THADA: variants seen among roughly 807,000 people sequenced by gnomAD.
The protein encoded by THADA is THADA armadillo repeat containing.
In THADA, 213 loss-of-function variants were observed where a neutral mutation model predicts 219.8. The observed-to-expected ratio is 0.97, with a 90% CI of 0.87 to 1.09. The LOEUF (loss-of-function observed/expected upper bound fraction) is 1.09, where lower values mean the gene tolerates loss of function less well. Among genes scored for constraint, THADA ranks in the 50% least tolerant of loss-of-function variants. The pLI is 0.00. For missense variants in THADA, 2,956 were observed against 2,311.3 expected, an observed-to-expected ratio of 1.28 and a Z score of -5.72; for synonymous variants, 1,018 against 828.9, an observed-to-expected ratio of 1.23 and a Z score of -3.92.
At chr2:43,324,762 G>A (rs186756933) in intron 30 of THADA, among the ~76,000 whole-genome samples, 291 of 152,246 alleles carry the variant, frequency 1.9e-3, no homozygotes, top group Non-Finnish European at 3.3e-3. Context: ...AAATCCCGAA[G>A]AGCAGCACGC....
Position 43,508,693 on chromosome 2 carries a change from T to C in THADA, c.3462A>G (p.Lys1154=), listed in dbSNP as rs774461534. Residue 1154 remains lysine (K), a synonymous_variant, in exon 23 of 38, where the codon AAA becomes AAG. Coordinates refer to ENST00000405975, the MANE Select transcript of THADA (RefSeq NM_022065.5). ...CAGCACTGCGCCTTGTAGCACAGAG[T>C]TTAGATGAAGGATCACTGCATTTAA... The part of the protein sequence containing the change: ...EEIKCSDPSS[K]LCATRRSAGI... 5 of 1,613,320 alleles carry C rather than the reference T, an allele frequency of 3.1e-6. No individual in the cohort carries two copies. The highest frequency in any genetic ancestry group is 1.6e-4 in the Middle Eastern group (1 of 6,062).
chr2:43,308,189 A>C (rs1677077114), intron 31 of THADA, among the ~76,000 whole-genome samples: 1 of 152,058 alleles, frequency 6.6e-6, no homozygotes, highest in Non-Finnish European at 1.5e-5. Flanking sequence ...ACCCTGTATC[A>C]TTCTTTTTAA....
rs535446103 is a variant in THADA, at chr2:43,428,332, G to T, written c.3927-101C>A. 3 of 1,190,414 alleles carry T rather than the reference G, an allele frequency of 2.5e-6. No individual in the cohort carries two copies. In the South Asian group the frequency reaches 4.3e-5, roughly 17 times the overall value. The allele number at this position is 1,190,414 out of a possible 1,614,324, so 73.7% of individuals were successfully genotyped here. On this transcript the variant is annotated intron_variant, in intron 27 of 37. Transcript: ENST00000405975. ...ATGAAATAATTATGTATATGGCCGGGTGCGGTGACTAATGCCTGTAATCCC... is the reference window on the plus strand; with the variant it reads ...ATGAAATAATTATGTATATGGCCGGTTGCGGTGACTAATGCCTGTAATCCC...
intron 26 of THADA, among the ~76,000 whole-genome samples, chr2:43,435,646 G>C (rs939830443): frequency 6.6e-6 from 1 of 151,880 alleles, no homozygotes; most frequent in Admixed American, 6.6e-5. Flanking sequence ...AGCCAGTTGA[G>C]GTAGCATCTG....
At chr2:43,509,372 A>G (rs1342794480) in intron 22 of THADA, among the ~76,000 whole-genome samples, 2 of 152,230 alleles carry the variant, frequency 1.3e-5, no homozygotes, top group African/African-American at 2.4e-5. Context: ...GCGCTATCTT[A>G]GAGTGCTCAA....
At chr2:43,422,032 G>A (rs1049789568) in intron 28 of THADA, among the ~76,000 whole-genome samples, 1 of 152,192 alleles carries the variant, frequency 6.6e-6, no homozygotes, top group African/African-American at 2.4e-5. Context: ...AATAAGGCAT[G>A]CCAAACAGAT....
intron 31 of THADA, among the ~76,000 whole-genome samples, chr2:43,306,794 G>C (rs1304285421): frequency 6.6e-6 from 1 of 152,176 alleles, no homozygotes; most frequent in African/African-American, 2.4e-5. Flanking sequence ...GTAATCAATG[G>C]AAATGAGCCT....
rs751759651 is a variant in THADA, at chr2:43,552,362, C to G, written c.2675-23G>C. Reference sequence around the variant, plus strand: ...TAACTAGAAAAAGCAAACAGAAAATCAAAGTAATGTCAATCTTAAAACATT... The same window carrying G: ...TAACTAGAAAAAGCAAACAGAAAATGAAAGTAATGTCAATCTTAAAACATT... On this transcript the variant is annotated intron_variant, in intron 17 of 37. Coordinates refer to ENST00000405975, the MANE Select transcript of THADA (RefSeq NM_022065.5). 5 of 1,578,664 alleles carry G rather than the reference C, an allele frequency of 3.2e-6. No individual in the cohort carries two copies. The South Asian group carries it at 4.7e-5, about 15-fold the overall frequency.
Position 43,293,229 on chromosome 2 carries a change from A to G in THADA, c.4439-16T>C, listed in dbSNP as rs10184224. The G allele has an allele frequency of 1.2e-3, 1,831 of 1,586,522 alleles. 25 individuals are homozygous for G. In the African/African-American group the frequency reaches 0.022, roughly 19 times the overall value. ...CTCTCCAGAACTAAGAAGCAAAAAA[A>G]GCAAAAGGGAAAGAGATAATCACTT... On this transcript the variant is annotated splice_polypyrimidine_tract_variant and intron_variant, in intron 31 of 37. Coordinates refer to ENST00000405975, the MANE Select transcript of THADA (RefSeq NM_022065.5).
At chr2:43,595,406 A>G (rs1291147715) in intron 1 of THADA, among the ~76,000 whole-genome samples, 2 of 152,252 alleles carry the variant, frequency 1.3e-5, no homozygotes, top group South Asian at 4.1e-4. Flanking sequence ...GTACAAAGCC[A>G]GAAGAGACTG....
chr2:43,551,589 ATTT>A (rs34513683), intron 19 of THADA, among the ~76,000 whole-genome samples, 197 bp downstream of exon 19: 26 of 135,122 alleles, frequency 1.9e-4, no homozygotes, highest in African/African-American at 3.0e-4. Flanking sequence ...TGGTTTGGGA[ATTT>A]TTTTTTTTTT....
intron 29 of THADA, among the ~76,000 whole-genome samples, chr2:43,385,781 C>T (rs959564242): frequency 6.6e-6 from 1 of 151,348 alleles, no homozygotes; most frequent in African/African-American, 2.4e-5. Flanking sequence ...ATACTGATCT[C>T]TTTGAAGATT....
Position 43,552,273 on chromosome 2 carries a change from G to T in THADA, c.2741C>A (p.Ala914Glu). ...VSQAENSLLQAAAAFPMYGRV... is the reference protein window; with the variant it reads ...VSQAENSLLQEAAAFPMYGRV... ...CCCATACATTGGAAATGCTGCTGCT[G>T]CCTGAAGCAGAGAATTTTCAGCCTG... The change falls in exon 18 of 38, where the codon GCA becomes GAA. Residue 914 changes from alanine (A) to glutamate (E), a missense_variant. Physicochemically the swap from Ala to Glu is moderately radical, Grantham distance 107. Coordinates refer to ENST00000405975, the MANE Select transcript of THADA (RefSeq NM_022065.5). The T allele has an allele frequency of 3.1e-6, 5 of 1,611,102 alleles. No individual in the cohort carries two copies. The highest frequency in any genetic ancestry group is 4.2e-6 in the Non-Finnish European group (5 of 1,179,086).
intron 29 of THADA, among the ~76,000 whole-genome samples, chr2:43,362,628 A>G (rs999657359): frequency 7.2e-5 from 11 of 152,150 alleles, no homozygotes; most frequent in Admixed American, 1.3e-4. Context: ...GGCCTAGGAC[A>G]TCATTGTACA....
intron 26 of THADA, among the ~76,000 whole-genome samples, chr2:43,457,155 C>T (rs1683108687): frequency 8.3e-6 from 1 of 119,896 alleles, no homozygotes; most frequent in South Asian, 2.8e-4. Context: ...CACACACACA[C>T]ACACACACAC....
At chr2:43,317,489 T>C (rs1000123067) in intron 31 of THADA, among the ~76,000 whole-genome samples, 21 of 151,480 alleles carry the variant, frequency 1.4e-4, no homozygotes, top group Admixed American at 7.2e-4. Flanking sequence ...TGAAAGCATA[T>C]TGAAATCTAC....
intron 36 of THADA, among the ~76,000 whole-genome samples, chr2:43,242,494 C>CTT (rs202233335): frequency 6.7e-6 from 1 of 149,868 alleles, no homozygotes; most frequent in African/African-American, 2.4e-5. Context: ...ATTCTTTTTT[C>CTT]TTTTTTTTTT....
At chr2:43,501,306 C>CAAAAAAAAAAAAAAAAA (rs1558864377) in intron 24 of THADA, among the ~76,000 whole-genome samples, 3 of 12,288 alleles carry the variant, frequency 2.4e-4, no homozygotes, top group African/African-American at 8.2e-4. Flanking sequence ...AACTCCAACT[C>CAAAAAAAAAAAAAAAAA]CAAAAAAAAA....
intron 4 of THADA, 58 bp from the exon 5 acceptor site, chr2:43,587,060 A>G: frequency 6.6e-7 from 1 of 1,515,976 alleles, no homozygotes; most frequent in Non-Finnish European, 9.0e-7. Flanking sequence ...GAATATGTGG[A>G]GAGGGAAGAG....
Sources: allele counts gnomAD v4.1 joint callset (sites outside exome capture counted in the v4.1 genomes callset), GRCh38; gene constraint gnomAD v4.1.1; transcripts MANE v1.5; gene names NCBI Gene and HGNC (gene_info 2026-07-23, HGNC 2026-07-21).